The following SLC19A3 variants were observed in gnomAD, a reference collection of about 807,000 sequenced individuals.
SLC19A3 encodes the protein thiamine transporter 2.
Under a neutral mutation model 40.2 loss-of-function variants are expected in SLC19A3, and 31 were observed. The ratio of observed to expected loss-of-function variants is 0.77; its 90% CI spans 0.58 to 1.04. The LOEUF (loss-of-function observed/expected upper bound fraction) is 1.04. SLC19A3 is among the 50% of genes least tolerant of loss of function. The pLI is 0.00. For missense variants in SLC19A3, 592 were observed against 596.7 expected, an observed-to-expected ratio of 0.99 and a Z score of 0.08; for synonymous variants, 212 against 227.5, an observed-to-expected ratio of 0.93 and a Z score of 0.61.
At chr2:227,709,537 T>C (rs1157166602) in intron 1 of SLC19A3, among the ~76,000 whole-genome samples, 1 of 152,096 alleles carries the variant, frequency 6.6e-6, no homozygotes, top group African/African-American at 2.4e-5. Context: ...GTGGGTTTCC[T>C]GAAGCCAGGG....
At position 227,686,177 on chromosome 2, in the gene SLC19A3, A is replaced by G. The variant is rs1290016878; in HGVS notation, c.*1220T>C. Reference sequence around the variant, plus strand: ...ACGCCATTGCATTCCAGCCTGGGTGAGAGAGCGAGACTGTCTCAAAAACCA... The same window carrying G: ...ACGCCATTGCATTCCAGCCTGGGTGGGAGAGCGAGACTGTCTCAAAAACCA... On this transcript the variant is annotated 3_prime_UTR_variant, in exon 6 of 6. Transcript: ENST00000644224. The G allele has an allele frequency of 2.3e-6, 1 of 444,254 alleles. No homozygotes were observed. Among genetic ancestry groups the G allele is most frequent in the Admixed American group, 2.4e-5 (1 of 41,344 alleles). 27.5% of individuals were successfully genotyped at this position (444,254 alleles called of 1,614,324 possible).
At chr2:227,709,321 T>TA (rs1696059289) in intron 1 of SLC19A3, among the ~76,000 whole-genome samples, 1 of 151,932 alleles carries the variant, frequency 6.6e-6, no homozygotes, top group Non-Finnish European at 1.5e-5. Flanking sequence ...CGTCTCAAAC[T>TA]AAAAAATGCA....
chr2:227,709,280 A>G (rs998963057), intron 1 of SLC19A3, among the ~76,000 whole-genome samples: 3 of 152,102 alleles, frequency 2.0e-5, no homozygotes, highest in African/African-American at 7.2e-5. Flanking sequence ...TCAGGAGTTC[A>G]AGATCAGCCT....
rs1441892480 is a variant in SLC19A3, at chr2:227,703,489, T to A, written c.-2-1169A>T. ...TGTTTATGTCAACAAAGCCCTTGAT[T>A]AAGCAGTGGAGAGACAAGAGCGATC... On this transcript the variant is annotated intron_variant, in intron 1 of 5. Coordinates refer to ENST00000644224, the MANE Select transcript of SLC19A3 (RefSeq NM_025243.4). This position sits in a 1 kb window ranked among gnomAD's most constrained non-coding sequence, Gnocchi z 4.7. Among the ~76,000 whole-genome samples the A allele has an allele frequency of 6.6e-6, 1 of 152,200 alleles. No homozygotes were observed. The highest frequency in any genetic ancestry group is 6.5e-5 in the Admixed American group (1 of 15,276).
chr2:227,692,786 T>A (rs1186544982), intron 4 of SLC19A3, among the ~76,000 whole-genome samples: 1 of 152,192 alleles, frequency 6.6e-6, no homozygotes, highest in Admixed American at 6.5e-5. Flanking sequence ...GACGATATGA[T>A]CTTACATTTA....
intron 1 of SLC19A3, among the ~76,000 whole-genome samples, chr2:227,708,611 A>T (rs1469077039): frequency 6.6e-6 from 1 of 151,894 alleles, no homozygotes; most frequent in Non-Finnish European, 1.5e-5. Flanking sequence ...ACAACAAAAA[A>T]AACTTTCCAA....
chr2:227,691,569 G>A (rs902496833), intron 4 of SLC19A3, among the ~76,000 whole-genome samples: 7 of 152,018 alleles, frequency 4.6e-5, no homozygotes, highest in Non-Finnish European at 5.9e-5. Context: ...AGATTATCAC[G>A]CCAGTGCAGT....
At chr2:227,696,920 G>A (rs1695461122) in intron 3 of SLC19A3, among the ~76,000 whole-genome samples, 1 of 152,054 alleles carries the variant, frequency 6.6e-6, no homozygotes, top group African/African-American at 2.4e-5. Context: ...ACAAAAATTA[G>A]CCAGCATGGT....
At chr2:227,697,631 G>A (rs75538623) in intron 3 of SLC19A3, among the ~76,000 whole-genome samples, 6,273 of 152,112 alleles carry the variant, frequency 0.041, 439 homozygotes, top group African/African-American at 0.14. Flanking sequence ...CTAAAATAAT[G>A]AAAACATATA....
intron 1 of SLC19A3, among the ~76,000 whole-genome samples, chr2:227,716,988 G>C (rs944404541): frequency 7.4e-6 from 1 of 135,428 alleles, no homozygotes; most frequent in African/African-American, 2.7e-5. Flanking sequence ...AAACACATGA[G>C]AGTGCTTTTT....
chr2:227,711,146 G>A (rs554581128), intron 1 of SLC19A3, among the ~76,000 whole-genome samples: 1 of 152,140 alleles, frequency 6.6e-6, no homozygotes, highest in Non-Finnish European at 1.5e-5. Flanking sequence ...GGCCAGGCGC[G>A]GTGGCTCCCG....
Position 227,703,411 on chromosome 2 carries a change from A to G in SLC19A3, c.-2-1091T>C, listed in dbSNP as rs1190270789. ...TTGCCACTCACCCTACCCTTTCCCAAGGTGACCCCGACAGCTGCATAATTC... is the reference window on the plus strand; with the variant it reads ...TTGCCACTCACCCTACCCTTTCCCAGGGTGACCCCGACAGCTGCATAATTC... On this transcript the variant is annotated intron_variant, in intron 1 of 5. Coordinates refer to ENST00000644224, the MANE Select transcript of SLC19A3 (RefSeq NM_025243.4). The surrounding 1 kb of genome is among the most constrained non-coding windows in gnomAD (Gnocchi z 4.7). Among the ~76,000 whole-genome samples the G allele has an allele frequency of 2.0e-5, 3 of 152,144 alleles. No individual in the cohort carries two copies. The South Asian group carries it at 6.2e-4, about 32-fold the overall frequency.
Position 227,703,244 on chromosome 2 carries a change from A to G in SLC19A3, c.-2-924T>C, listed in dbSNP as rs960364570. On this transcript the variant is annotated intron_variant, in intron 1 of 5. Transcript: ENST00000644224. The surrounding 1 kb of genome is among the most constrained non-coding windows in gnomAD (Gnocchi z 4.7). ...GCTTTTAGGGTCAATTGCAGTTTGA[A>G]AGCAGACGAGAGAGAAGGAAAAGCA... 2.0e-5 allele frequency among the ~76,000 whole-genome samples: 3 copies of G among 152,206 alleles called. No homozygotes were observed. The highest frequency in any genetic ancestry group is 4.4e-5 in the Non-Finnish European group (3 of 68,032).
chr2:227,687,705 G>T (rs1488317408), intron 5 of SLC19A3, 132 bp from the exon 6 acceptor site: 3 of 823,344 alleles, frequency 3.6e-6, no homozygotes, highest in Middle Eastern at 3.5e-4. Context: ...GGTCATTTAG[G>T]TTGAACAATA....
At position 227,687,117 on chromosome 2, in the gene SLC19A3, A is replaced by C. The variant is rs1443494319; in HGVS notation, c.*280T>G. The C allele has an allele frequency of 3.1e-6, 1 of 319,772 alleles. No homozygotes were observed. Among genetic ancestry groups the C allele is most frequent in the Non-Finnish European group, 5.8e-6 (1 of 172,422 alleles). The allele number at this position is 319,772 out of a possible 1,614,324, so 19.8% of individuals were successfully genotyped here. Reference sequence around the variant, plus strand: ...TTCCACGCCATCTGCATGTCTTTACAAGTGATAAAAACCAGAATTTTCCAG... The same window carrying C: ...TTCCACGCCATCTGCATGTCTTTACCAGTGATAAAAACCAGAATTTTCCAG... On this transcript the variant is annotated 3_prime_UTR_variant, in exon 6 of 6. Coordinates refer to ENST00000644224, the MANE Select transcript of SLC19A3 (RefSeq NM_025243.4).
intron 1 of SLC19A3, among the ~76,000 whole-genome samples, chr2:227,712,248 C>T (rs1193213096): frequency 6.6e-6 from 1 of 151,712 alleles, no homozygotes; most frequent in African/African-American, 2.4e-5. Context: ...AAAAAAATAC[C>T]ACACACAGAC....
At chr2:227,699,622 T>A in intron 2 of SLC19A3, 58 bp from the exon 3 acceptor site, 1 of 1,437,070 alleles carries the variant, frequency 7.0e-7, no homozygotes, top group South Asian at 1.1e-5. Flanking sequence ...AAGGTACCTG[T>A]GGTTTGTATC....
chr2:227,698,977 C>T lies in SLC19A3; in HGVS notation c.738G>A (p.Lys246=). 2 of 1,614,182 alleles carry T rather than the reference C, an allele frequency of 1.2e-6. No homozygotes were observed. The highest frequency in any genetic ancestry group is 1.7e-6 in the Non-Finnish European group (2 of 1,180,034). The change falls in exon 3 of 6, where the codon AAG becomes AAA. Residue 246 remains lysine, a synonymous_variant. Coordinates refer to ENST00000644224, the MANE Select transcript of SLC19A3 (RefSeq NM_025243.4). ...TTGGTTTCAGGCTGTTCAGCTGGCC[C>T]TTATTCAGCTTCCCTGAAGTGCTGA... is the stretch of plus-strand genomic sequence containing the variant. ...EILSTSGKLN[K]GQLNSLKPSN...
intron 3 of SLC19A3, among the ~76,000 whole-genome samples, chr2:227,697,940 A>C (rs893066383): frequency 2.1e-4 from 32 of 151,826 alleles, no homozygotes; most frequent in Admixed American, 5.9e-4. Context: ...TTAGCTGGGC[A>C]TGGTGGCACG....
Sources: allele counts gnomAD v4.1 joint callset (sites outside exome capture counted in the v4.1 genomes callset), GRCh38; gene constraint gnomAD v4.1.1; non-coding constraint Gnocchi (gnomAD v3.1); transcripts MANE v1.5; gene names NCBI Gene and HGNC (gene_info 2026-07-23, HGNC 2026-07-21).